The following DCC variants were observed in gnomAD, a reference collection of about 807,000 sequenced individuals.
DCC encodes the protein DCC netrin 1 receptor.
DCC carries 58 observed loss-of-function variants against 172.5 expected under a neutral mutation model. The ratio of observed to expected loss-of-function variants is 0.34; its 90% CI spans 0.27 to 0.42. DCC has a LOEUF of 0.42. Among genes scored for constraint, DCC ranks in the 10% least tolerant of loss-of-function variants. The pLI is 1.00. For synonymous variants in DCC, 709 were observed against 644.5 expected (o/e 1.10, Z -1.52); for missense variants, 1,740 against 1,791.0 (o/e 0.97, Z 0.51).
intron 21 of DCC, 25 bp from the exon 22 acceptor site, chr18:53,435,119 T>G (rs201474046): frequency 1.3e-6 from 2 of 1,562,924 alleles, no homozygotes; most frequent in Non-Finnish European, 1.8e-6. Context: ...GTACTGACAT[T>G]GTGACATGCT....
intron 8 of DCC, among the ~76,000 whole-genome samples, chr18:53,166,775 C>CA (rs1247936667): frequency 6.6e-6 from 1 of 151,916 alleles, no homozygotes; most frequent in Non-Finnish European, 1.5e-5. Context: ...GAGAGGTAAA[C>CA]AAAAAAGAGA....
chr18:52,614,317 T>C (rs1480107971), intron 1 of DCC, among the ~76,000 whole-genome samples: 2 of 152,228 alleles, frequency 1.3e-5, no homozygotes, highest in Non-Finnish European at 2.9e-5. Context: ...GTAGGAACTC[T>C]GGCTACTTCT....
chr18:53,422,976 C>A lies in DCC; in HGVS notation c.3163+6820C>A, dbSNP rs76453273. On this transcript the variant is annotated intron_variant, in intron 21 of 28. Transcript: ENST00000442544. ...TAGGACTGTGGTGAAACAGTAGTAG[C>A]AGAAAATGAATAATGTGCTTTTAAT... is the stretch of plus-strand genomic sequence containing the variant. Among the ~76,000 whole-genome samples the A allele has an allele frequency of 5.5e-4, 83 of 152,202 alleles. 2 individuals are homozygous for A. In the East Asian group the frequency reaches 9.5e-3, roughly 17 times the overall value.
intron 7 of DCC, among the ~76,000 whole-genome samples, chr18:53,133,049 C>T (rs2043682026): frequency 6.6e-6 from 1 of 152,200 alleles, no homozygotes; most frequent in South Asian, 2.1e-4. Context: ...CACAGGCCTA[C>T]TATTAGGGAA....
At chr18:53,481,953 C>T (rs891889329) in intron 25 of DCC, among the ~76,000 whole-genome samples, 1 of 152,110 alleles carries the variant, frequency 6.6e-6, no homozygotes, top group Admixed American at 6.6e-5. Flanking sequence ...TATTTTGCCG[C>T]AGAGCAGAGA....
intron 1 of DCC, among the ~76,000 whole-genome samples, chr18:52,708,140 A>C (rs1451742238): frequency 1.3e-5 from 2 of 152,126 alleles, no homozygotes; most frequent in Non-Finnish European, 2.9e-5. Context: ...GTCAATTTAA[A>C]AAGTAGGAAA....
chr18:53,210,341 T>C (rs1314832295), intron 11 of DCC, among the ~76,000 whole-genome samples: 2 of 152,230 alleles, frequency 1.3e-5, no homozygotes, highest in Non-Finnish European at 2.9e-5. Flanking sequence ...TTATGTATGT[T>C]GTAACAGGTG....
rs965398322 is a variant in DCC, at chr18:52,442,375, AGAT to A, written c.91+101501_91+101503del. On this transcript the variant is annotated intron_variant, in intron 1 of 28. Transcript: ENST00000442544. ...GTGTCAATTAAATGAAGACCAATGAAGATGATAACTTCTAATGTCCTTTGATCA... is the reference window on the plus strand; with the variant it reads ...GTGTCAATTAAATGAAGACCAATGAAGATAACTTCTAATGTCCTTTGATCA... Among the ~76,000 whole-genome samples, 21 of 152,220 alleles carry A rather than the reference AGAT, an allele frequency of 1.4e-4. 1 individual carries two copies. Among genetic ancestry groups the A allele is most frequent in the Admixed American group, 1.4e-3 (21 of 15,280 alleles).
chr18:53,456,475 A>G (rs1247322460), intron 23 of DCC, among the ~76,000 whole-genome samples: 1 of 152,222 alleles, frequency 6.6e-6, no homozygotes. Flanking sequence ...TGGTATTTGC[A>G]GAGGGGCCAA....
At chr18:53,387,190 A>C (rs1464298848) in intron 16 of DCC, among the ~76,000 whole-genome samples, 1 of 152,178 alleles carries the variant, frequency 6.6e-6, no homozygotes, top group Non-Finnish European at 1.5e-5. Flanking sequence ...TCCTGCCCAA[A>C]TTTATGTGAA....
At chr18:52,551,092 A>C (rs1007143433) in intron 1 of DCC, among the ~76,000 whole-genome samples, 1 of 151,942 alleles carries the variant, frequency 6.6e-6, no homozygotes, top group East Asian at 1.9e-4. Flanking sequence ...GCATAAAACA[A>C]GGTCAAAGAA....
intron 1 of DCC, among the ~76,000 whole-genome samples, chr18:52,411,983 A>T (rs1394599877): frequency 1.3e-5 from 2 of 151,840 alleles, no homozygotes; most frequent in Non-Finnish European, 2.9e-5. Context: ...TGCCACCCCC[A>T]CTTATTAAAA....
intron 7 of DCC, among the ~76,000 whole-genome samples, chr18:53,085,680 T>G (rs2042868487): frequency 6.6e-6 from 1 of 151,916 alleles, no homozygotes; most frequent in African/African-American, 2.4e-5. Context: ...TTTTTTTAAA[T>G]AGGAATATAA....
chr18:52,464,698 T>A (rs11082926), intron 1 of DCC, among the ~76,000 whole-genome samples: 1 of 151,962 alleles, frequency 6.6e-6, no homozygotes, highest in Non-Finnish European at 1.5e-5. Flanking sequence ...GAGTAGGCAG[T>A]GAGAAATCAC....
chr18:52,795,120 G>C (rs2037847428), intron 2 of DCC, among the ~76,000 whole-genome samples: 1 of 151,908 alleles, frequency 6.6e-6, no homozygotes, highest in Non-Finnish European at 1.5e-5. Flanking sequence ...TCTGGTGTTG[G>C]TATCAGGGTA....
At chr18:53,395,349 A>G (rs1461341828) in intron 17 of DCC, among the ~76,000 whole-genome samples, 4 of 152,168 alleles carry the variant, frequency 2.6e-5, no homozygotes, top group Non-Finnish European at 2.9e-5. Flanking sequence ...CACAAAGACG[A>G]TCTTACTTGT....
intron 15 of DCC, among the ~76,000 whole-genome samples, chr18:53,351,465 T>TATATATATATATATATATATATATATA (rs1568075523): frequency 5.7e-5 from 1 of 17,448 alleles, no homozygotes; most frequent in Non-Finnish European, 1.2e-4. Context: ...ATACACAGTG[T>TATATATATATATATATATATATATATA]GTATATATAT....
intron 18 of DCC, among the ~76,000 whole-genome samples, chr18:53,398,957 T>C (rs1215995027): frequency 6.6e-6 from 1 of 152,098 alleles, no homozygotes; most frequent in Non-Finnish European, 1.5e-5. Context: ...AAAATAACTC[T>C]AAAGTTTGCT....
chr18:53,185,749 A>G (rs1410385265), intron 9 of DCC, among the ~76,000 whole-genome samples: 1 of 152,190 alleles, frequency 6.6e-6, no homozygotes, highest in Admixed American at 6.5e-5. Context: ...CTTTCAAGGA[A>G]CTGGTAGTCT....
Sources: allele counts gnomAD v4.1 joint callset (sites outside exome capture counted in the v4.1 genomes callset), GRCh38; gene constraint gnomAD v4.1.1; transcripts MANE v1.5; gene names NCBI Gene and HGNC (gene_info 2026-07-23, HGNC 2026-07-21).